Variants in PPP2R5E observed in about 807,000 individuals in gnomAD.
PPP2R5E encodes the protein protein phosphatase 2 regulatory subunit B'epsilon.
A neutral mutation model predicts 65.3 loss-of-function variants in PPP2R5E; 4 were observed. The ratio of observed to expected loss-of-function variants is 0.06; its 90% CI spans 0.03 to 0.14. The LOEUF is 0.14. Ranked by LOEUF, PPP2R5E falls within the 10% of genes least tolerant of loss-of-function variation. The pLI, the probability that PPP2R5E is intolerant of heterozygous loss-of-function variation, is 1.00. For missense variants in PPP2R5E, 274 were observed against 556.1 expected (o/e 0.49, Z 5.10); for synonymous variants, 183 against 187.4 (o/e 0.98, Z 0.19).
chr14:63,514,492 C>G (rs569526361), intron 2 of PPP2R5E, among the ~76,000 whole-genome samples: 2 of 151,558 alleles, frequency 1.3e-5, no homozygotes, highest in East Asian at 1.9e-4. Context: ...CACAAAAACT[C>G]TCTTCATTAA....
At chr14:63,515,995 G>T (rs772287572) in intron 2 of PPP2R5E, among the ~76,000 whole-genome samples, 3 of 151,002 alleles carry the variant, frequency 2.0e-5, no homozygotes, top group African/African-American at 7.3e-5. Context: ...GACTATAAGC[G>T]CCCGCCACCA....
At chr14:63,493,322 T>C (rs373322007) in intron 2 of PPP2R5E, among the ~76,000 whole-genome samples, 4 of 152,004 alleles carry the variant, frequency 2.6e-5, no homozygotes, top group African/African-American at 9.6e-5. Context: ...CAGATAACTA[T>C]TTATTGTGAG....
In PPP2R5E at chr14:63,473,625, G is replaced by T. The variant is rs141705951; in HGVS notation, c.158-19740C>A. 8.5e-5 allele frequency among the ~76,000 whole-genome samples: 13 copies of T among 152,248 alleles called. No homozygotes were observed. The East Asian group carries it at 2.5e-3, about 29-fold the overall frequency. ...ATGAAACAACCAAAACAGCTCTCTA[G>T]GAAGTCTGAGAAATGTCTGATGCAA... On this transcript the variant is annotated intron_variant, in intron 2 of 13. Transcript: ENST00000337537.
At chr14:63,392,156 T>G in intron 8 of PPP2R5E, 131 bp from the exon 9 acceptor site, 1 of 606,790 alleles carries the variant, frequency 1.6e-6, no homozygotes, top group South Asian at 2.9e-5. Flanking sequence ...TCATTTTAAT[T>G]ATCATAAAAT....
intron 9 of PPP2R5E, 36 bp from the exon 10 acceptor site, chr14:63,391,903 C>T (rs2139780696): frequency 6.2e-7 from 1 of 1,609,768 alleles, no homozygotes. Flanking sequence ...TGGCATTTAA[C>T]TTTTTCATAT....
At chr14:63,377,980 C>A (rs1884086945) in intron 13 of PPP2R5E, among the ~76,000 whole-genome samples, 1 of 152,214 alleles carries the variant, frequency 6.6e-6, no homozygotes, top group South Asian at 2.1e-4. Flanking sequence ...AATCCTCTTG[C>A]CTCAGCCTCC....
At chr14:63,493,485 T>C (rs1174375385) in intron 2 of PPP2R5E, among the ~76,000 whole-genome samples, 10 of 107,060 alleles carry the variant, frequency 9.3e-5, no homozygotes, top group African/African-American at 3.2e-4. Flanking sequence ...CGCGCGCGCG[T>C]GTGTGTGTGC....
At chr14:63,441,559 T>C (rs934606172) in intron 3 of PPP2R5E, among the ~76,000 whole-genome samples, 3 of 152,262 alleles carry the variant, frequency 2.0e-5, no homozygotes, top group Non-Finnish European at 4.4e-5. Flanking sequence ...TAAACCATTT[T>C]TGAGTCACAT....
intron 3 of PPP2R5E, among the ~76,000 whole-genome samples, chr14:63,438,821 C>T (rs1888063481): frequency 6.6e-6 from 1 of 151,970 alleles, no homozygotes; most frequent in Non-Finnish European, 1.5e-5. Flanking sequence ...TGTCAGATTC[C>T]TTAAGAGAGA....
intron 2 of PPP2R5E, among the ~76,000 whole-genome samples, chr14:63,468,576 T>C (rs1889956509): frequency 2.0e-5 from 3 of 152,178 alleles, no homozygotes; most frequent in African/African-American, 7.2e-5. Context: ...GAAGCTAGAA[T>C]TTATGAAGAC....
chr14:63,471,108 A>C (rs780585491), intron 2 of PPP2R5E, among the ~76,000 whole-genome samples: 30 of 152,240 alleles, frequency 2.0e-4, no homozygotes, highest in South Asian at 6.2e-4. Context: ...CATATTACAT[A>C]AATCTGCAAA....
intron 13 of PPP2R5E, among the ~76,000 whole-genome samples, chr14:63,377,629 G>A (rs925457316): frequency 3.9e-5 from 6 of 152,152 alleles, no homozygotes; most frequent in Non-Finnish European, 5.9e-5. Context: ...GCTTAGTAAA[G>A]CCATATGGTA....
chr14:63,483,178 T>A (rs898255836), intron 2 of PPP2R5E, among the ~76,000 whole-genome samples: 20 of 151,994 alleles, frequency 1.3e-4, no homozygotes, highest in African/African-American at 4.3e-4. Flanking sequence ...TAAAAAATCA[T>A]ACAGTATGTT....
intron 4 of PPP2R5E, among the ~76,000 whole-genome samples, chr14:63,415,489 G>C (rs1385103077): frequency 1.3e-5 from 2 of 152,058 alleles, no homozygotes; most frequent in African/African-American, 2.4e-5. Context: ...GACAACCACT[G>C]TTAACATTTC....
At chr14:63,404,801 T>C (rs747903456) in intron 5 of PPP2R5E, among the ~76,000 whole-genome samples, 6 of 152,208 alleles carry the variant, frequency 3.9e-5, no homozygotes, top group Non-Finnish European at 7.3e-5. Flanking sequence ...GAGCATACTA[T>C]CTATTTCAAG....
At chr14:63,490,418 C>T (rs1028014618) in intron 2 of PPP2R5E, among the ~76,000 whole-genome samples, 2 of 151,974 alleles carry the variant, frequency 1.3e-5, no homozygotes, top group Admixed American at 1.3e-4. Flanking sequence ...CACTTCCGCA[C>T]AGTGAAAGAA....
Position 63,398,829 on chromosome 14 carries a change from G to T in PPP2R5E, c.550-2113C>A, listed in dbSNP as rs565848482. Among the ~76,000 whole-genome samples the T allele has an allele frequency of 1.1e-4, 17 of 152,228 alleles. No homozygotes were observed. In the East Asian group the frequency reaches 3.3e-3, roughly 29 times the overall value. On this transcript the variant is annotated intron_variant, in intron 5 of 13. Transcript: ENST00000337537. ...GAAAAGAAAACCCAACCAACAAAGA[G>T]ATACTCATTGGATGGCTATAATGAA...
rs116649962 is a variant in PPP2R5E at position 63,511,589 on chromosome 14, C to T, written c.157+27940G>A. 3.6e-3 allele frequency among the ~76,000 whole-genome samples: 551 copies of T among 152,264 alleles called. 4 individuals carry two copies. The highest frequency in any genetic ancestry group is 0.011 in the African/African-American group (477 of 41,532). On this transcript the variant is annotated intron_variant, in intron 2 of 13. Transcript: ENST00000337537. ...AAAAGCTGATTCAAAATCTATTTAT[C>T]CCCCAAATCGAATGCAAGCCACCTA...
chr14:63,419,869 T>C (rs1886907292), intron 4 of PPP2R5E, among the ~76,000 whole-genome samples: 1 of 152,238 alleles, frequency 6.6e-6, no homozygotes, highest in Non-Finnish European at 1.5e-5. Context: ...CAGGTCTCAT[T>C]ACCATTCTTC....
Sources: allele counts gnomAD v4.1 joint callset (sites outside exome capture counted in the v4.1 genomes callset), GRCh38; gene constraint gnomAD v4.1.1; transcripts MANE v1.5; gene names NCBI Gene and HGNC (gene_info 2026-07-23, HGNC 2026-07-21).